STXBP5L: variants seen among roughly 807,000 people sequenced by gnomAD.
The protein encoded by STXBP5L is syntaxin binding protein 5L.
STXBP5L carries 65 observed loss-of-function variants against 144.5 expected under a neutral mutation model. That is an observed-to-expected ratio of 0.45 (90% CI 0.37 to 0.55). STXBP5L has a LOEUF of 0.55. STXBP5L is among the 20% of genes least tolerant of loss of function. The probability of loss-of-function intolerance (pLI) is 0.00; values close to 1 mark genes in which losing one functional copy is unlikely to be tolerated. For missense variants in STXBP5L, 1,298 were observed against 1,405.5 expected (o/e 0.92, Z 1.22); for synonymous variants, 505 against 469.6 (o/e 1.08, Z -0.97).
At chr3:120,951,326 T>C (rs1711209198) in intron 2 of STXBP5L, among the ~76,000 whole-genome samples, 1 of 152,074 alleles carries the variant, frequency 6.6e-6, no homozygotes, top group Non-Finnish European at 1.5e-5. Flanking sequence ...ACTAAAGAGC[T>C]ACTGCACAGC....
At chr3:120,935,802 CTT>C (rs1559886714) in intron 2 of STXBP5L, among the ~76,000 whole-genome samples, 1 of 151,582 alleles carries the variant, frequency 6.6e-6, no homozygotes, top group Non-Finnish European at 1.5e-5. Flanking sequence ...AGATTTTTCT[CTT>C]TGTCTTTGAT....
chr3:120,953,832 A>G (rs1290514765), intron 2 of STXBP5L, among the ~76,000 whole-genome samples: 1 of 152,152 alleles, frequency 6.6e-6, no homozygotes, highest in Non-Finnish European at 1.5e-5. Context: ...GATGGGATAG[A>G]ACCTTCAGTA....
intron 9 of STXBP5L, among the ~76,000 whole-genome samples, chr3:121,202,165 T>G (rs2048164433): frequency 6.6e-6 from 1 of 152,170 alleles, no homozygotes; most frequent in East Asian, 1.9e-4. Flanking sequence ...CTTATATAAT[T>G]GTATGTCTTT....
At chr3:121,254,129 A>G (rs2050131741) in intron 15 of STXBP5L, among the ~76,000 whole-genome samples, 1 of 152,266 alleles carries the variant, frequency 6.6e-6, no homozygotes, top group South Asian at 2.1e-4. Flanking sequence ...GGTTTTGACT[A>G]ATGTTTCTCA....
intron 2 of STXBP5L, among the ~76,000 whole-genome samples, chr3:120,931,096 CT>C (rs76276771): frequency 0.012 from 1,590 of 135,866 alleles, 8 homozygotes; most frequent in East Asian, 0.027. Flanking sequence ...TGGGTTTTCT[CT>C]TTTTTTTTTT....
At chr3:121,116,171 T>G (rs2107832406) in intron 6 of STXBP5L, among the ~76,000 whole-genome samples, 1 of 152,292 alleles carries the variant, frequency 6.6e-6, no homozygotes, top group South Asian at 2.1e-4. Context: ...ACGTTTATGC[T>G]CTCTACATAT....
chr3:121,045,633 A>T (rs1483387392), intron 5 of STXBP5L, 98 bp downstream of exon 5: 5 of 998,662 alleles, frequency 5.0e-6, no homozygotes, highest in Non-Finnish European at 7.5e-6. Context: ...TCATAATCTC[A>T]ACAGCTAGAA....
chr3:121,079,471 T>C (rs73189313), intron 5 of STXBP5L, among the ~76,000 whole-genome samples: 5,404 of 152,336 alleles, frequency 0.035, 144 homozygotes, highest in Middle Eastern at 0.082. Flanking sequence ...ATATTCCTTT[T>C]TAACTTGAGT....
rs1015480145 is a variant in STXBP5L at position 121,391,116 on chromosome 3, C to A, written c.2587+9584C>A. On this transcript the variant is annotated intron_variant, in intron 22 of 26. Transcript: ENST00000471454. ...TTTCTTTCTCTACCTTGTTTTCTCACTTTATTTCATTAATTTGATCTTGCA... is the reference window on the plus strand; with the variant it reads ...TTTCTTTCTCTACCTTGTTTTCTCAATTTATTTCATTAATTTGATCTTGCA... 3.3e-5 allele frequency among the ~76,000 whole-genome samples: 5 copies of A among 152,250 alleles called. No individual in the cohort carries two copies. The East Asian group carries it at 9.7e-4, about 29-fold the overall frequency.
intron 22 of STXBP5L, among the ~76,000 whole-genome samples, chr3:121,403,153 T>C (rs1473817549): frequency 6.6e-6 from 1 of 152,178 alleles, no homozygotes; most frequent in East Asian, 1.9e-4. Context: ...TCTGCTTGTA[T>C]CTTCATGGCC....
chr3:121,330,235 T>C (rs2044281605), intron 20 of STXBP5L, among the ~76,000 whole-genome samples: 1 of 152,194 alleles, frequency 6.6e-6, no homozygotes, highest in African/African-American at 2.4e-5. Context: ...TGGAACACTG[T>C]AGGTGTGAAA....
chr3:121,175,994 A>C (rs1044079132), intron 9 of STXBP5L, among the ~76,000 whole-genome samples: 2 of 152,102 alleles, frequency 1.3e-5, no homozygotes, highest in African/African-American at 4.8e-5. Context: ...ATAATAATAA[A>C]GGCATTTCTC....
rs188607303 is a variant in STXBP5L, at chr3:121,005,227, G to A, written c.288-36473G>A. 1.2e-3 allele frequency among the ~76,000 whole-genome samples: 180 copies of A among 152,240 alleles called. 1 individual carries two copies. Among genetic ancestry groups the A allele is most frequent in the African/African-American group, 4.0e-3 (166 of 41,548 alleles). On this transcript the variant is annotated intron_variant, in intron 3 of 26. Coordinates refer to ENST00000471454, the MANE Select transcript of STXBP5L (RefSeq NM_001308330.2). ...GCTATTAATTATTGCCTCAATTTCA[G>A]AGCCTGTTTTTGGTCTATTCAGATA...
chr3:121,112,656 G>A lies in STXBP5L; in HGVS notation c.471-2269G>A, dbSNP rs532962006. Among the ~76,000 whole-genome samples, 3 of 152,088 alleles carry A rather than the reference G, an allele frequency of 2.0e-5. No individual in the cohort carries two copies. In the South Asian group the frequency reaches 6.2e-4, roughly 32 times the overall value. Reference sequence around the variant, plus strand: ...CTTTTTTTATAAAGAGTTATTCGGTGAAGATTGAATAAATGGATGAATGGA... The same window carrying A: ...CTTTTTTTATAAAGAGTTATTCGGTAAAGATTGAATAAATGGATGAATGGA... On this transcript the variant is annotated intron_variant, in intron 5 of 26. Coordinates refer to ENST00000471454, the MANE Select transcript of STXBP5L (RefSeq NM_001308330.2).
At chr3:121,002,842 G>A (rs919364148) in intron 3 of STXBP5L, among the ~76,000 whole-genome samples, 3 of 151,964 alleles carry the variant, frequency 2.0e-5, no homozygotes, top group Non-Finnish European at 4.4e-5. Flanking sequence ...TGCTGAGAAT[G>A]ATGGTTTCCA....
At chr3:121,005,401 C>T (rs1386755571) in intron 3 of STXBP5L, among the ~76,000 whole-genome samples, 1 of 151,992 alleles carries the variant, frequency 6.6e-6, no homozygotes, top group Non-Finnish European at 1.5e-5. Context: ...GGTGATATCC[C>T]CTTTATCATG....
chr3:120,976,757 C>G (rs967832266), intron 3 of STXBP5L, among the ~76,000 whole-genome samples: 1 of 152,126 alleles, frequency 6.6e-6, no homozygotes, highest in Non-Finnish European at 1.5e-5. Flanking sequence ...TTTGTTCTCA[C>G]TGGTTTCAAA....
At chr3:121,096,424 G>T (rs993121022) in intron 5 of STXBP5L, among the ~76,000 whole-genome samples, 2 of 152,138 alleles carry the variant, frequency 1.3e-5, no homozygotes, top group Non-Finnish European at 2.9e-5. Flanking sequence ...ATTCTTTCGT[G>T]GAGAAGAGGT....
chr3:121,388,222 G>T (rs1354896617), intron 22 of STXBP5L, among the ~76,000 whole-genome samples: 1 of 152,206 alleles, frequency 6.6e-6, no homozygotes, highest in Non-Finnish European at 1.5e-5. Flanking sequence ...GTATAGGAAT[G>T]TCTGTGATTT....
Sources: allele counts gnomAD v4.1 joint callset (sites outside exome capture counted in the v4.1 genomes callset), GRCh38; gene constraint gnomAD v4.1.1; transcripts MANE v1.5; gene names NCBI Gene and HGNC (gene_info 2026-07-23, HGNC 2026-07-21).